Variants in SLC44A1 observed in about 807,000 individuals in gnomAD.
The protein encoded by SLC44A1 is choline transporter-like protein 1.
Under a neutral mutation model 79.3 loss-of-function variants are expected in SLC44A1, and 26 were observed. That is an observed-to-expected ratio of 0.33 (90% confidence interval 0.24 to 0.46). The LOEUF (loss-of-function observed/expected upper bound fraction) is 0.46. Ranked by LOEUF, SLC44A1 falls within the 20% of genes least tolerant of loss-of-function variation. The pLI, the probability that SLC44A1 is intolerant of heterozygous loss-of-function variation, is 1.00. For synonymous variants in SLC44A1, 263 were observed against 286.2 expected, an observed-to-expected ratio of 0.92 and a Z score of 0.82; for missense variants, 688 against 798.1, an observed-to-expected ratio of 0.86 and a Z score of 1.66.
intron 1 of SLC44A1, among the ~76,000 whole-genome samples, chr9:105,282,778 C>T (rs994175353): frequency 2.0e-5 from 3 of 151,998 alleles, no homozygotes; most frequent in Non-Finnish European, 4.4e-5. Context: ...TGAACTCTGA[C>T]CTCGTGATCC....
At chr9:105,438,212 T>C (rs1829488272) in intron 15 of SLC44A1, 4 of 1,333,616 alleles carry the variant, frequency 3.0e-6, no homozygotes, top group Admixed American at 2.0e-5. Flanking sequence ...TTTCTAGTTA[T>C]TGATTACTTC....
intron 1 of SLC44A1, among the ~76,000 whole-genome samples, chr9:105,247,090 A>ATTT (rs11382735): frequency 1.5e-5 from 2 of 137,624 alleles, no homozygotes; most frequent in Non-Finnish European, 3.2e-5. Flanking sequence ...AGAGCTGGTG[A>ATTT]TTTTTTTTTT....
At chr9:105,378,909 G>T (rs1337912335) in intron 13 of SLC44A1, among the ~76,000 whole-genome samples, 1 of 152,164 alleles carries the variant, frequency 6.6e-6, no homozygotes, top group Non-Finnish European at 1.5e-5. Context: ...ATATCAACTT[G>T]AATGAATCTT....
intron 15 of SLC44A1, among the ~76,000 whole-genome samples, chr9:105,412,033 T>C (rs193035175): frequency 6.6e-6 from 1 of 152,346 alleles, no homozygotes; most frequent in East Asian, 1.9e-4. Flanking sequence ...GAAACAGCTA[T>C]TACTGGTGTT....
chr9:105,354,265 T>C (rs1827550344), intron 5 of SLC44A1, among the ~76,000 whole-genome samples: 1 of 151,458 alleles, frequency 6.6e-6, no homozygotes, highest in Admixed American at 6.6e-5. Flanking sequence ...TTAGCCAGGA[T>C]GGTCTCGATC....
At chr9:105,409,038 AGATAT>A (rs1829064160) in intron 15 of SLC44A1, among the ~76,000 whole-genome samples, 1 of 152,246 alleles carries the variant, frequency 6.6e-6, no homozygotes, top group South Asian at 2.1e-4. Flanking sequence ...GAGAAGACAC[AGATAT>A]GATATAAAGG....
rs1456245920 is a variant in SLC44A1 at position 105,397,136 on chromosome 9, A to T, written c.*8080A>T. 1.0e-6 allele frequency: 1 copy of T among 985,332 alleles called. No homozygotes were observed. The highest frequency in any genetic ancestry group is 1.2e-6 in the Non-Finnish European group (1 of 829,938). 61.0% of individuals were successfully genotyped at this position (985,332 alleles called of 1,614,324 possible). A position where few individuals can be genotyped will look rare whatever the true frequency, so the allele number is the denominator to read the frequency against. On this transcript the variant is annotated 3_prime_UTR_variant, in exon 16 of 16. Transcript: ENST00000374720. ...AGAGCTCTGAATTGGATGGAATTCCATCTGGCTTCAGAGAACAATCAGCCT... is the reference window on the plus strand; with the variant it reads ...AGAGCTCTGAATTGGATGGAATTCCTTCTGGCTTCAGAGAACAATCAGCCT...
At chr9:105,314,465 A>G (rs1382991545) in intron 3 of SLC44A1, among the ~76,000 whole-genome samples, 1 of 152,206 alleles carries the variant, frequency 6.6e-6, no homozygotes, top group African/African-American at 2.4e-5. Context: ...CTTAGTGTCT[A>G]CTTTCTTTGT....
chr9:105,294,293 C>A (rs1244643074), intron 1 of SLC44A1, among the ~76,000 whole-genome samples: 1 of 152,120 alleles, frequency 6.6e-6, no homozygotes, highest in East Asian at 1.9e-4. Context: ...TTTGTACCTC[C>A]AAGTTTGTCT....
At chr9:105,378,112 T>C (rs1828350656) in intron 13 of SLC44A1, among the ~76,000 whole-genome samples, 1 of 152,106 alleles carries the variant, frequency 6.6e-6, no homozygotes, top group African/African-American at 2.4e-5. Context: ...GCCAGGCATA[T>C]AGTGGTACAT....
At chr9:105,333,003 TAAGA>T (rs1322397396) in intron 3 of SLC44A1, among the ~76,000 whole-genome samples, 2 of 152,180 alleles carry the variant, frequency 1.3e-5, no homozygotes, top group Non-Finnish European at 1.5e-5. Flanking sequence ...AGAGAACTAT[TAAGA>T]GAGAACCAGA....
Position 105,323,926 on chromosome 9 carries a change from C to T in SLC44A1, c.270-11637C>T, listed in dbSNP as rs748154529. Among the ~76,000 whole-genome samples, 82 of 152,244 alleles carry T rather than the reference C, an allele frequency of 5.4e-4. 1 individual carries two copies. Among genetic ancestry groups the T allele is most frequent in the Non-Finnish European group, 6.0e-4 (41 of 68,010 alleles). On this transcript the variant is annotated intron_variant, in intron 3 of 15. Transcript: ENST00000374720. ...GTCCTTCCATCTTGCATTGCATGTC[C>T]TTTTTTGCCCACTGCAGCCATTCTT...
At chr9:105,263,216 T>G (rs1248872325) in intron 1 of SLC44A1, among the ~76,000 whole-genome samples, 3 of 152,228 alleles carry the variant, frequency 2.0e-5, no homozygotes, top group Non-Finnish European at 4.4e-5. Context: ...ACAGATAACT[T>G]ACTGCTTCCT....
chr9:105,367,934 G>T (rs978549169), intron 12 of SLC44A1, among the ~76,000 whole-genome samples: 1 of 152,120 alleles, frequency 6.6e-6, no homozygotes, highest in African/African-American at 2.4e-5. Flanking sequence ...AGCTAGCACA[G>T]TGCCCAGTAT....
At chr9:105,299,375 T>C (rs924593805) in intron 2 of SLC44A1, 66 bp downstream of exon 2, 33 of 1,077,028 alleles carry the variant, frequency 3.1e-5, no homozygotes, top group Non-Finnish European at 4.1e-5. Context: ...AGTAGTTGTT[T>C]TAATGAGGGC....
intron 1 of SLC44A1, 44 bp from the exon 2 acceptor site, chr9:105,299,176 T>G: frequency 7.0e-7 from 1 of 1,434,256 alleles, no homozygotes; most frequent in Non-Finnish European, 9.6e-7. Flanking sequence ...TAACTTTAAC[T>G]AAACTTAGCA....
chr9:105,274,008 G>A (rs1830138750), intron 1 of SLC44A1, among the ~76,000 whole-genome samples: 1 of 152,080 alleles, frequency 6.6e-6, no homozygotes, highest in Non-Finnish European at 1.5e-5. Context: ...ATATAAATAT[G>A]TTTCATGGTA....
intron 3 of SLC44A1, among the ~76,000 whole-genome samples, chr9:105,310,540 T>C (rs1831150977): frequency 1.3e-5 from 2 of 152,228 alleles, no homozygotes; most frequent in South Asian, 4.1e-4. Context: ...TGAAACCTTA[T>C]TAGGCATTTT....
chr9:105,343,027 G>A (rs1224769112), intron 4 of SLC44A1, among the ~76,000 whole-genome samples: 2 of 151,380 alleles, frequency 1.3e-5, no homozygotes, highest in African/African-American at 4.8e-5. Context: ...CATAACCTGT[G>A]AGTAAGTTAG....
Sources: gnomAD v4.1 joint callset for allele counts (sites outside exome capture counted in the v4.1 genomes callset) on GRCh38, gnomAD v4.1.1 for gene constraint, MANE v1.5 for transcripts, NCBI Gene and HGNC (gene_info 2026-07-23, HGNC 2026-07-21) for gene names.